CLVS1: variants seen among roughly 807,000 people sequenced by gnomAD.
CLVS1 encodes the protein clavesin-1.
Under a neutral mutation model 33.1 loss-of-function variants are expected in CLVS1, and 10 were observed. That is an observed-to-expected ratio of 0.30 (90% CI 0.19 to 0.51). CLVS1 has a LOEUF of 0.51. Ranked by LOEUF, CLVS1 falls within the 20% of genes least tolerant of loss-of-function variation. The pLI is 0.97. For synonymous variants in CLVS1, 163 were observed against 166.1 expected, an observed-to-expected ratio of 0.98 and a Z score of 0.14; for missense variants, 343 against 433.4, an observed-to-expected ratio of 0.79 and a Z score of 1.85.
chr8:61,267,573 T>C (rs1189485829), intron 2 of CLVS1, among the ~76,000 whole-genome samples: 1 of 152,206 alleles, frequency 6.6e-6, no homozygotes, highest in Admixed American at 6.5e-5. Flanking sequence ...CCTTGAAAGA[T>C]AGACCCATTC....
intron 5 of CLVS1, among the ~76,000 whole-genome samples, chr8:61,468,900 T>C (rs1045645592): frequency 6.6e-6 from 1 of 152,182 alleles, no homozygotes; most frequent in African/African-American, 2.4e-5. Flanking sequence ...ACATGTTAGC[T>C]TCCCTTTTGT....
At chr8:61,448,149 G>GT (rs549218579) in intron 3 of CLVS1, among the ~76,000 whole-genome samples, 57 of 149,494 alleles carry the variant, frequency 3.8e-4, no homozygotes, top group Middle Eastern at 3.4e-3. Flanking sequence ...TCAATATATT[G>GT]TTTTTTTTTC....
chr8:61,206,875 G>A (rs1807857749), intron 2 of CLVS1, among the ~76,000 whole-genome samples: 1 of 152,124 alleles, frequency 6.6e-6, no homozygotes, highest in African/African-American at 2.4e-5. Context: ...GCATGAGCCA[G>A]TGCGCCCGGC....
intron 2 of CLVS1, 54 bp downstream of exon 2, chr8:61,300,336 T>A: frequency 6.9e-7 from 1 of 1,444,108 alleles, no homozygotes; most frequent in Non-Finnish European, 9.4e-7. Flanking sequence ...GCATTATCAC[T>A]GCATGTTTGG....
intron 2 of CLVS1, among the ~76,000 whole-genome samples, chr8:61,149,564 A>C (rs1337856795): frequency 2.0e-5 from 3 of 149,716 alleles, no homozygotes; most frequent in Admixed American, 6.7e-5. Flanking sequence ...AAAAAAAAAA[A>C]AAAACAAAAA....
intron 3 of CLVS1, among the ~76,000 whole-genome samples, chr8:61,380,404 A>G (rs1424315402): frequency 1.3e-5 from 2 of 152,210 alleles, no homozygotes; most frequent in African/African-American, 4.8e-5. Flanking sequence ...ATCAAAATTT[A>G]TCTTGTATCA....
At chr8:61,137,092 T>C (rs1237910743) in intron 2 of CLVS1, among the ~76,000 whole-genome samples, 4 of 152,188 alleles carry the variant, frequency 2.6e-5, no homozygotes, top group African/African-American at 9.7e-5. Context: ...TCTTACTCTA[T>C]CTAGGGCTTC....
intron 3 of CLVS1, among the ~76,000 whole-genome samples, chr8:61,385,620 G>A (rs1053640816): frequency 4.6e-5 from 7 of 152,238 alleles, no homozygotes; most frequent in Non-Finnish European, 8.8e-5. Flanking sequence ...GGCTGAGCTA[G>A]ACCAGAGTTG....
intron 3 of CLVS1, among the ~76,000 whole-genome samples, chr8:61,383,273 A>G (rs1249117404): frequency 6.6e-6 from 1 of 151,048 alleles, no homozygotes; most frequent in East Asian, 1.9e-4. Flanking sequence ...TTTAATTATC[A>G]CCTGACAATT....
chr8:61,312,935 A>G (rs952249017), intron 2 of CLVS1, among the ~76,000 whole-genome samples: 2 of 152,184 alleles, frequency 1.3e-5, no homozygotes, highest in East Asian at 1.9e-4. Flanking sequence ...AAATTGGTTC[A>G]GTCTCTTTGC....
rs113490347 is a variant in CLVS1 at position 61,314,719 on chromosome 8, A to G, written c.455+14437A>G. Among the ~76,000 whole-genome samples, 117 of 152,314 alleles carry G rather than the reference A, an allele frequency of 7.7e-4. 1 individual carries two copies. The Middle Eastern group carries it at 0.014, about 18-fold the overall frequency. On this transcript the variant is annotated intron_variant, in intron 2 of 5. Transcript: ENST00000325897. Reference sequence around the variant, plus strand: ...TATGAAGAGCTCTGTTCCCAGCTACATGACCCATACTGCCATGTTTTATAA... The same window carrying G: ...TATGAAGAGCTCTGTTCCCAGCTACGTGACCCATACTGCCATGTTTTATAA...
chr8:61,003,074 A>G, the CLVS1 span, among the ~76,000 whole-genome samples: 2 of 152,160 alleles, frequency 1.3e-5, no homozygotes, highest in African/African-American at 2.4e-5. Context: ...AGATAGGTAG[A>G]TAGAGAGAGC....
chr8:61,425,603 C>A (rs1223405188), intron 3 of CLVS1, among the ~76,000 whole-genome samples: 2 of 152,114 alleles, frequency 1.3e-5, no homozygotes, highest in Admixed American at 6.5e-5. Flanking sequence ...TTAGCAGTCA[C>A]CCCCAGTACT....
intron 2 of CLVS1, among the ~76,000 whole-genome samples, chr8:61,271,945 C>A (rs1472274028): frequency 1.3e-5 from 2 of 151,912 alleles, no homozygotes; most frequent in Admixed American, 6.6e-5. Flanking sequence ...ATACAGCACA[C>A]TGATGGGTCT....
chr8:60,971,950 G>T, the CLVS1 span, among the ~76,000 whole-genome samples: 84 of 151,792 alleles, frequency 5.5e-4, no homozygotes, highest in African/African-American at 1.9e-3. Context: ...ATTATGGCTT[G>T]CAAGCAATTG....
chr8:61,211,456 C>T (rs1268691829), intron 2 of CLVS1, among the ~76,000 whole-genome samples: 3 of 151,518 alleles, frequency 2.0e-5, no homozygotes, highest in Admixed American at 2.0e-4. Context: ...TTCTCCTCCT[C>T]TCCTTTTCCT....
rs1805267270 is a variant in CLVS1, at chr8:61,092,420, C to T, written c.-243+35190C>T. ...GTGGAGCGTTCATCATCTCCCGCTG[C>T]TGTAAAGTCACCATAAACGCAGTGG... On this transcript the variant is annotated intron_variant, in intron 1 of 2. Transcript: ENST00000522621. Among the ~76,000 whole-genome samples, 7 of 152,336 alleles carry T rather than the reference C, an allele frequency of 4.6e-5. No individual in the cohort carries two copies. In the South Asian group the frequency reaches 1.5e-3, roughly 32 times the overall value.
chr8:61,459,817 C>T (rs956532680), intron 5 of CLVS1, among the ~76,000 whole-genome samples: 1 of 152,128 alleles, frequency 6.6e-6, no homozygotes, highest in Non-Finnish European at 1.5e-5. Context: ...GTTTAAACAA[C>T]AGAAATTTAT....
intron 2 of CLVS1, among the ~76,000 whole-genome samples, chr8:61,231,256 C>A (rs1001402783): frequency 1.3e-5 from 2 of 151,132 alleles, no homozygotes; most frequent in Non-Finnish European, 2.9e-5. Flanking sequence ...TCTCTTCCTG[C>A]AAAACCCATG....
Sources: gnomAD v4.1 joint callset for allele counts (sites outside exome capture counted in the v4.1 genomes callset) on GRCh38, gnomAD v4.1.1 for gene constraint, MANE v1.5 for transcripts, NCBI Gene and HGNC (gene_info 2026-07-23, HGNC 2026-07-21) for gene names.